The following DPP8 variants were observed in gnomAD, a reference collection of about 807,000 sequenced individuals.
DPP8 encodes the protein dipeptidyl peptidase 8, also known as DPP VIII.
In DPP8, 31 loss-of-function variants were observed where a neutral mutation model predicts 107.5. The ratio of observed to expected loss-of-function variants is 0.29; its 90% CI spans 0.22 to 0.39. The LOEUF (loss-of-function observed/expected upper bound fraction) is 0.39. DPP8 is among the 10% of genes least tolerant of loss of function. DPP8 has a pLI of 1.00. For synonymous variants in DPP8, 381 were observed against 356.6 expected, an observed-to-expected ratio of 1.07 and a Z score of -0.77; for missense variants, 842 against 1,076.1, an observed-to-expected ratio of 0.78 and a Z score of 3.04.
chr15:65,466,106 T>A (rs2065326285), intron 14 of DPP8, among the ~76,000 whole-genome samples: 1 of 152,118 alleles, frequency 6.6e-6, no homozygotes, highest in Non-Finnish European at 1.5e-5. Flanking sequence ...GTGAATAAAT[T>A]GTTTCCTAGC....
At position 65,489,981 on chromosome 15, in the gene DPP8, A is replaced by G. The variant is rs148627591; in HGVS notation, c.826+208T>C. Among the ~76,000 whole-genome samples the G allele has an allele frequency of 6.0e-3, 908 of 152,308 alleles. 9 individuals are homozygous for G. The highest frequency in any genetic ancestry group is 0.02 in the African/African-American group (852 of 41,570). On this transcript the variant is annotated intron_variant, in intron 6 of 19. Transcript: ENST00000300141. ...TGATCCGCCTGCCTCGGCCTCCCAA[A>G]GTGCTGGGATTACAGGTGTTAGCCA... is the stretch of plus-strand genomic sequence containing the variant.
intron 2 of DPP8, among the ~76,000 whole-genome samples, chr15:65,511,639 C>CAAAAAA (rs373452327): frequency 1.8e-5 from 2 of 110,358 alleles, no homozygotes; most frequent in Admixed American, 1.0e-4. Context: ...GACCCTGTCT[C>CAAAAAA]AAAAAAAAAA....
At chr15:65,498,173 G>A (rs774213386) in intron 4 of DPP8, 141 bp from the exon 5 acceptor site, 1 of 557,630 alleles carries the variant, frequency 1.8e-6, no homozygotes. Context: ...TGTAATCCCA[G>A]CACTTCGGGA....
chr15:65,482,515 GA>G (rs1172183473), intron 8 of DPP8, among the ~76,000 whole-genome samples: 9 of 152,082 alleles, frequency 5.9e-5, no homozygotes, highest in Admixed American at 5.9e-4. Context: ...TTCCTGACCT[GA>G]AGTGATCTGC....
At chr15:65,448,741 C>A (rs750252301) in intron 19 of DPP8, among the ~76,000 whole-genome samples, 121 of 115,918 alleles carry the variant, frequency 1.0e-3, no homozygotes, top group African/African-American at 7.2e-4. Flanking sequence ...ACATATATAT[C>A]TAAAATATAC....
At chr15:65,475,362 T>C (rs2066287008) in intron 11 of DPP8, 2 of 1,386,666 alleles carry the variant, frequency 1.4e-6, no homozygotes, top group East Asian at 4.6e-5. Context: ...GTGTGGGCTT[T>C]GGAGGAACAG....
At chr15:65,478,310 G>C (rs941348178) in intron 11 of DPP8, among the ~76,000 whole-genome samples, 2 of 152,178 alleles carry the variant, frequency 1.3e-5, no homozygotes, top group African/African-American at 4.8e-5. Flanking sequence ...CCAGACTGGA[G>C]TGTGGTGGCG....
At chr15:65,471,450 G>A (rs960148656) in intron 12 of DPP8, among the ~76,000 whole-genome samples, 2 of 151,138 alleles carry the variant, frequency 1.3e-5, no homozygotes, top group East Asian at 3.9e-4. Context: ...GGGCTAAAGC[G>A]ATCCTCCCAC....
Position 65,497,934 on chromosome 15 carries a change from T to C in DPP8, c.645A>G (p.Ile215Met), listed in dbSNP as rs1268578898. ...TAGATATCCAAATATCGTTGCTATG[T>C]ATAAAAGCAATCCAGTCTGGATCAG... The part of the protein sequence containing the change: ...CPADPDWIAF[I>M]HSNDIWISNI... Residue 215 changes from isoleucine (I) to methionine (M), a missense_variant, in exon 5 of 20, where the codon ATA (isoleucine) becomes ATG (methionine). Transcript: ENST00000300141. 5 of 1,610,230 alleles carry C rather than the reference T, an allele frequency of 3.1e-6. No homozygotes were observed. Among genetic ancestry groups the C allele is most frequent in the Non-Finnish European group, 8.5e-7 (1 of 1,177,582 alleles).
intron 8 of DPP8, among the ~76,000 whole-genome samples, chr15:65,484,682 GA>G (rs1465364896): frequency 6.9e-6 from 1 of 144,186 alleles, no homozygotes; most frequent in Admixed American, 7.0e-5. Flanking sequence ...AAGTCTAGAA[GA>G]GCAAGACTTT....
intron 10 of DPP8, among the ~76,000 whole-genome samples, chr15:65,479,679 C>T (rs920095937): frequency 6.6e-6 from 1 of 150,984 alleles, no homozygotes; most frequent in African/African-American, 2.4e-5. Flanking sequence ...CCCGTCTCTA[C>T]TAAAAATACA....
chr15:65,476,032 G>C (rs751959016), intron 11 of DPP8, among the ~76,000 whole-genome samples: 4 of 152,166 alleles, frequency 2.6e-5, no homozygotes, highest in Non-Finnish European at 4.4e-5. Flanking sequence ...GATTACAGGC[G>C]TGGGCCACCT....
At chr15:65,482,682 G>A (rs2067038667) in intron 8 of DPP8, among the ~76,000 whole-genome samples, 1 of 152,108 alleles carries the variant, frequency 6.6e-6, no homozygotes, top group Non-Finnish European at 1.5e-5. Context: ...AAACTGCAAA[G>A]GATCTGAATA....
At chr15:65,482,509 T>C (rs2067022570) in intron 8 of DPP8, among the ~76,000 whole-genome samples, 2 of 152,178 alleles carry the variant, frequency 1.3e-5, no homozygotes, top group African/African-American at 4.8e-5. Context: ...CTCGAATTCC[T>C]GACCTGAAGT....
intron 15 of DPP8, among the ~76,000 whole-genome samples, chr15:65,459,930 A>G (rs2140419380): frequency 6.6e-6 from 1 of 151,982 alleles, no homozygotes. Context: ...GCCCCAGCCT[A>G]GGCAACACAG....
At chr15:65,511,247 T>C (rs2141106751) in intron 2 of DPP8, among the ~76,000 whole-genome samples, 1 of 152,196 alleles carries the variant, frequency 6.6e-6, no homozygotes, top group East Asian at 1.9e-4. Flanking sequence ...TATGGCACAA[T>C]TATATAATGG....
intron 9 of DPP8, among the ~76,000 whole-genome samples, chr15:65,481,090 A>G (rs1042965923): frequency 1.3e-5 from 2 of 151,684 alleles, no homozygotes; most frequent in Admixed American, 1.3e-4. Flanking sequence ...ACTCAAAAAA[A>G]AAAAAGTTTT....
chr15:65,471,100 G>T (rs1309995721), intron 12 of DPP8, among the ~76,000 whole-genome samples: 1 of 152,092 alleles, frequency 6.6e-6, no homozygotes, highest in Non-Finnish European at 1.5e-5. Flanking sequence ...ATTATGTAAT[G>T]ACTCATCCTT....
chr15:65,496,295 T>C (rs1163750723), intron 5 of DPP8, among the ~76,000 whole-genome samples: 4 of 152,170 alleles, frequency 2.6e-5, no homozygotes, highest in African/African-American at 4.8e-5. Context: ...TAATTAATTT[T>C]AACTAATGAT....
Sources: allele counts gnomAD v4.1 joint callset (sites outside exome capture counted in the v4.1 genomes callset), GRCh38; gene constraint gnomAD v4.1.1; transcripts MANE v1.5; gene names NCBI Gene and HGNC (gene_info 2026-07-23, HGNC 2026-07-21).